Variants in ING4 observed in about 807,000 individuals in gnomAD.
ING4 encodes inhibitor of growth family member 4, also known as inhibitor of growth protein 4.
Under a neutral mutation model 33.1 loss-of-function variants are expected in ING4, and 28 were observed. The observed-to-expected ratio is 0.85, with a 90% confidence interval of 0.63 to 1.16. ING4 has a LOEUF of 1.16. Ranked by LOEUF, ING4 falls within the 50% of genes most tolerant of loss-of-function variation. The pLI is 0.00. For missense variants in ING4, 247 were observed against 314.7 expected, an observed-to-expected ratio of 0.78 and a Z score of 1.63; for synonymous variants, 87 against 104.4, an observed-to-expected ratio of 0.83 and a Z score of 1.02.
chr12:6,662,938 T>C (rs1949605659), intron 1 of ING4, 127 bp downstream of exon 1: 6 of 1,037,686 alleles, frequency 5.8e-6, no homozygotes, highest in Non-Finnish European at 8.6e-6. Context: ...CCTCCAATAT[T>C]TCCTGCCACA....
At chr12:6,660,880 A>G (rs748329360) in intron 1 of ING4, among the ~76,000 whole-genome samples, 8 of 149,226 alleles carry the variant, frequency 5.4e-5, no homozygotes, top group Non-Finnish European at 1.2e-4. Context: ...GCAATGGCGC[A>G]ATCTCAGGTT....
intron 1 of ING4, among the ~76,000 whole-genome samples, chr12:6,659,100 T>G (rs1949464139): frequency 6.6e-6 from 1 of 152,230 alleles, no homozygotes; most frequent in Non-Finnish European, 1.5e-5. Context: ...GCCACCTTTT[T>G]AAAGCACTTA....
rs182295432 is a variant in ING4, at chr12:6,655,491, T to C, written c.109+1236A>G. 72 of 442,270 alleles carry C rather than the reference T, an allele frequency of 1.6e-4. No homozygotes were observed. In the East Asian group the frequency reaches 6.7e-3, roughly 41 times the overall value. 27.4% of individuals were successfully genotyped at this position (442,270 alleles called of 1,614,324 possible). A position where few individuals can be genotyped will look rare whatever the true frequency, so the allele number is the denominator to read the frequency against. On this transcript the variant is annotated intron_variant, in intron 2 of 7. Coordinates refer to ENST00000341550, the MANE Select transcript of ING4 (RefSeq NM_016162.4). ...GTGCAGCAACAGATAACCAGGAGGA[T>C]CTGTGAAGACACTGTTTATACTCCA...
chr12:6,658,460 C>T (rs939421315), intron 1 of ING4, among the ~76,000 whole-genome samples: 3 of 151,790 alleles, frequency 2.0e-5, no homozygotes, highest in Admixed American at 1.3e-4. Context: ...CCCAGGTGGG[C>T]GCATCAGCTG....
intron 3 of ING4, 40 bp from the exon 4 acceptor site, chr12:6,653,090 T>C (rs1385988613): frequency 1.2e-6 from 2 of 1,605,142 alleles, no homozygotes; most frequent in Non-Finnish European, 1.7e-6. Flanking sequence ...TACAAAACTA[T>C]CTCCAATTAA....
chr12:6,652,880 ACTT>A (rs1052613052), intron 4 of ING4, 53 bp downstream of exon 4: 16 of 1,550,318 alleles, frequency 1.0e-5, no homozygotes, highest in African/African-American at 4.1e-5. Flanking sequence ...TGAAGAGCTG[ACTT>A]CTTCTCCCTT....
At chr12:6,652,605 T>C in intron 5 of ING4, 57 bp downstream of exon 5, 1 of 1,500,396 alleles carries the variant, frequency 6.7e-7, no homozygotes, top group Non-Finnish European at 9.3e-7. Context: ...AGGCTGGGAG[T>C]GGGGCACCGG....
intron 1 of ING4, 29 bp downstream of exon 1, chr12:6,663,036 C>A: frequency 6.2e-7 from 1 of 1,612,882 alleles, no homozygotes; most frequent in African/African-American, 1.3e-5. Context: ...ACTCTGCAGC[C>A]CCGACCCCCA....
chr12:6,650,409 C>G lies in ING4; in HGVS notation c.*786G>C, dbSNP rs1158264820. 2.6e-5 allele frequency: 4 copies of G among 152,376 alleles called. No individual in the cohort carries two copies. 9.4% of individuals were successfully genotyped at this position (152,376 alleles called of 1,614,324 possible). A position where few individuals can be genotyped will look rare whatever the true frequency, so the allele number is the denominator to read the frequency against. On this transcript the variant is annotated 3_prime_UTR_variant, in exon 8 of 8. Transcript: ENST00000341550. ...ACCCCCTGGTCTGAGGCCTACCCTC[C>G]AGCACCTCTGTCTTTCCCAAGTTGA...
chr12:6,662,983 G>A, intron 1 of ING4, 82 bp downstream of exon 1: 1 of 1,436,812 alleles, frequency 7.0e-7, no homozygotes, highest in Non-Finnish European at 9.7e-7. Flanking sequence ...CTCGTCACTG[G>A]AACTTAAGGG....
At chr12:6,657,653 C>G (rs1158383936) in intron 1 of ING4, among the ~76,000 whole-genome samples, 1 of 151,798 alleles carries the variant, frequency 6.6e-6, no homozygotes, top group Non-Finnish European at 1.5e-5. Flanking sequence ...CTCTTCCCGT[C>G]AGGTGTGGTG....
chr12:6,655,406 T>A (rs1265326664), intron 2 of ING4, among the ~76,000 whole-genome samples: 1 of 152,254 alleles, frequency 6.6e-6, no homozygotes, highest in Non-Finnish European at 1.5e-5. Context: ...AGATGTTTAC[T>A]AATATTTGGA....
At chr12:6,659,518 A>T (rs1949478597) in intron 1 of ING4, among the ~76,000 whole-genome samples, 1 of 151,542 alleles carries the variant, frequency 6.6e-6, no homozygotes, top group Non-Finnish European at 1.5e-5. Context: ...AAAACAAAAC[A>T]AAACAAAAAT....
chr12:6,655,927 C>T (rs912689462), intron 2 of ING4: 11 of 455,988 alleles, frequency 2.4e-5, no homozygotes, highest in Middle Eastern at 3.2e-4. Flanking sequence ...TAAGTGTGAA[C>T]GGTATAGAGA....
intron 6 of ING4, 113 bp downstream of exon 6, chr12:6,652,158 C>A (rs1450709768): frequency 7.7e-7 from 1 of 1,296,360 alleles, no homozygotes; most frequent in Non-Finnish European, 1.1e-6. Context: ...CTACGTCCAG[C>A]CCATCTTTCT....
At chr12:6,652,232 C>G in intron 6 of ING4, 39 bp downstream of exon 6, 1 of 1,602,260 alleles carries the variant, frequency 6.2e-7, no homozygotes, top group South Asian at 1.1e-5. Context: ...CCCTTCATGC[C>G]CCTCACAACC....
chr12:6,652,693 T>C lies in ING4; in HGVS notation c.466A>G (p.Thr156Ala). The C allele has an allele frequency of 6.2e-7, 1 of 1,614,020 alleles. No homozygotes were observed. Among genetic ancestry groups the C allele is most frequent in the Admixed American group, 1.7e-5 (1 of 60,012 alleles). ...ACGAGCTTTAACTTCTTCTGGGCAG[T>C]CTTGGGGGCTTCTTCATCCGAGTTT... ...GKNSDEEAPK[T>A]AQKKLKLVRT... Residue 156 changes from threonine (T) to alanine (A), a missense_variant, in exon 5 of 8, where the codon ACT (threonine) becomes GCT (alanine). Thr to Ala is a moderately conservative substitution (Grantham distance 58). This residue lies in a region of ING4 where 198 missense variants were observed against 221.2 expected (regional missense o/e 0.89). Coordinates refer to ENST00000341550, the MANE Select transcript of ING4 (RefSeq NM_016162.4).
At position 6,650,409 on chromosome 12, in the gene ING4, C is replaced by T. The variant is rs1158264820; in HGVS notation, c.*786G>A. 6.6e-6 allele frequency: 1 copy of T among 152,376 alleles called. No individual in the cohort carries two copies. Among genetic ancestry groups the T allele is most frequent in the African/African-American group, 2.4e-5 (1 of 41,436 alleles). The allele number at this position is 152,376 out of a possible 1,614,324, so 9.4% of individuals were successfully genotyped here. A position where few individuals can be genotyped will look rare whatever the true frequency, so the allele number is the denominator to read the frequency against. On this transcript the variant is annotated 3_prime_UTR_variant, in exon 8 of 8. Transcript: ENST00000341550. ...ACCCCCTGGTCTGAGGCCTACCCTC[C>T]AGCACCTCTGTCTTTCCCAAGTTGA... is the stretch of plus-strand genomic sequence containing the variant.
In ING4 at chr12:6,656,794, A is replaced by T. The variant is rs768877523; in HGVS notation, c.42T>A (p.Ile14=). 13 of 1,558,678 alleles carry T rather than the reference A, an allele frequency of 8.3e-6. No homozygotes were observed. The South Asian group carries it at 1.3e-4, about 16-fold the overall frequency. The change falls in exon 2 of 8, where the codon ATT becomes ATA. Residue 14 remains isoleucine, a synonymous_variant. Coordinates refer to ENST00000341550, the MANE Select transcript of ING4 (RefSeq NM_016162.4). ...GMYLEHYLDS[I]ENLPFELQRN... is the part of the protein sequence containing the mutation. ...TCTGTAATTCAAAGGGAAGGTTTTC[A>T]ATACCTAGGGAAGAGAGAGAAACAA...
Sources: allele counts gnomAD v4.1 joint callset (sites outside exome capture counted in the v4.1 genomes callset), GRCh38; gene constraint gnomAD v4.1.1; regional missense constraint gnomAD v4.1.1; transcripts MANE v1.5; gene names NCBI Gene and HGNC (gene_info 2026-07-23, HGNC 2026-07-21).